The following ATRX variants were observed in gnomAD, a reference collection of about 807,000 sequenced individuals.
ATRX encodes the protein chromatin remodeler ATRX.
ATRX carries 12 observed loss-of-function variants against 172.6 expected under a neutral mutation model. The ratio of observed to expected loss-of-function variants is 0.07; its 90% confidence interval spans 0.04 to 0.11. The LOEUF is 0.11. Among genes scored for constraint, ATRX ranks in the 10% least tolerant of loss-of-function variants. ATRX has a pLI of 1.00. For missense variants in ATRX, 1,368 were observed against 1,767.4 expected, an observed-to-expected ratio of 0.77 and a Z score of 4.05; for synonymous variants, 674 against 594.7, an observed-to-expected ratio of 1.13 and a Z score of -1.94.
chrX:77,665,883 G>A (rs1186117809), intron 10 of ATRX, among the ~76,000 whole-genome samples: 1 of 111,885 alleles, frequency 8.9e-6, no homozygotes, highest in Non-Finnish European at 1.9e-5. Flanking sequence ...AAAACTTGTA[G>A]CTGAGATGAT....
chrX:77,762,026 G>A (rs782004993), intron 1 of ATRX, among the ~76,000 whole-genome samples: 3 of 111,224 alleles, frequency 2.7e-5, no homozygotes, highest in Non-Finnish European at 5.6e-5. Flanking sequence ...GACTTGGCCA[G>A]GCGCGGTGGC....
At chrX:77,673,904 A>G (rs1231510865) in intron 10 of ATRX, 3 of 110,991 alleles carry the variant, frequency 2.7e-5, no homozygotes, top group Non-Finnish European at 5.7e-5. Flanking sequence ...GTCAACTCTC[A>G]TGATATAAAA....
intron 1 of ATRX, among the ~76,000 whole-genome samples, chrX:77,782,644 T>C (rs1237400357): frequency 1.8e-5 from 2 of 111,291 alleles, no homozygotes; most frequent in Non-Finnish European, 3.8e-5. Context: ...TCCCAGCTAC[T>C]TGGGAGGCTG....
intron 34 of ATRX, 86 bp from the exon 35 acceptor site, chrX:77,508,715 G>C: frequency 9.7e-7 from 1 of 1,029,019 alleles, no homozygotes; most frequent in East Asian, 3.0e-5. Flanking sequence ...AATTTGTTAA[G>C]GGGGTACCAT....
At chrX:77,685,341 G>GA (rs2148643724) in intron 7 of ATRX, among the ~76,000 whole-genome samples, 1 of 111,914 alleles carries the variant, frequency 8.9e-6, no homozygotes, top group African/African-American at 3.2e-5. Context: ...AATTCTATAG[G>GA]AAAAAATCAA....
chrX:77,641,495 C>T lies in ATRX; in HGVS notation c.4558-5439G>A, dbSNP rs978725964. ...ACTCAGGAGGCTGAGGCAGGAGAAT[C>T]GCTTGAACCCAGGAGGCGGAGGTTC... On this transcript the variant is annotated intron_variant, in intron 15 of 34. Transcript: ENST00000373344. Among the ~76,000 whole-genome samples, 8 of 107,671 alleles carry T rather than the reference C, an allele frequency of 7.4e-5. No homozygotes were observed. The East Asian group carries it at 1.5e-3, about 20-fold the overall frequency. 93.5% of individuals were successfully genotyped at this position (107,671 alleles called of 115,157 possible).
intron 15 of ATRX, among the ~76,000 whole-genome samples, chrX:77,640,369 A>G (rs1402958455): frequency 9.0e-6 from 1 of 111,216 alleles, no homozygotes; most frequent in Non-Finnish European, 1.9e-5. Flanking sequence ...CAGCAATGAA[A>G]TAGGAGAAAA....
In ATRX at chrX:77,659,095, T is replaced by A. The variant is rs782234838; in HGVS notation, c.4121-2442A>T. ...GTTATTGTTTAATGGTTAAAGAGATTCCATTTGGAATGACGACACGTTTTA... is the reference window on the plus strand; with the variant it reads ...GTTATTGTTTAATGGTTAAAGAGATACCATTTGGAATGACGACACGTTTTA... On this transcript the variant is annotated intron_variant, in intron 12 of 34. Coordinates refer to ENST00000373344, the MANE Select transcript of ATRX (RefSeq NM_000489.6). Among the ~76,000 whole-genome samples, 5 of 111,294 alleles carry A rather than the reference T, an allele frequency of 4.5e-5. No individual in the cohort carries two copies. The South Asian group carries it at 1.9e-3, about 42-fold the overall frequency.
chrX:77,612,920 G>A (rs1404755520), intron 22 of ATRX, among the ~76,000 whole-genome samples: 1 of 111,582 alleles, frequency 9.0e-6, no homozygotes, highest in Non-Finnish European at 1.9e-5. Flanking sequence ...AGTAAATGTC[G>A]GAATTTCCCC....
At position 77,682,941 on chromosome X, in the gene ATRX, C is replaced by A. The variant is rs2148600971; in HGVS notation, c.2315G>T (p.Gly772Val). The part of the protein sequence containing the change: ...KTLYDLKTQA[G>V]KDDKGKRKRK... ...TTTCCTTTTTCCTTTATCATCTTTC[C>A]CCGCCTGAGTCTTTAAATCATACAA... The change falls in exon 9 of 35, where the codon GGG becomes GTG. Residue 772 changes from glycine (G) to valine (V), a missense_variant. Around this residue, in one of 17 missense-constraint regions of ATRX, gnomAD observed 843 missense variants for 643.1 expected, o/e 1.31. Transcript: ENST00000373344. 1.7e-6 allele frequency: 2 copies of A among 1,210,260 alleles called. No individual in the cohort carries two copies. Among genetic ancestry groups the A allele is most frequent in the Non-Finnish European group, 2.2e-6 (2 of 894,676 alleles).
intron 25 of ATRX, among the ~76,000 whole-genome samples, chrX:77,597,593 C>T (rs1350067900): frequency 1.8e-5 from 2 of 110,638 alleles, no homozygotes; most frequent in Non-Finnish European, 3.8e-5. Context: ...GAACTTAATT[C>T]AACAGCAAAA....
intron 30 of ATRX, among the ~76,000 whole-genome samples, chrX:77,529,380 G>T (rs2063496319): frequency 9.0e-6 from 1 of 111,351 alleles, no homozygotes. Flanking sequence ...CGAAATGAAA[G>T]AAAAAATGTT....
chrX:77,635,716 C>T (rs2068315969), intron 16 of ATRX, among the ~76,000 whole-genome samples, 199 bp downstream of exon 16: 2 of 111,943 alleles, frequency 1.8e-5, no homozygotes, highest in Admixed American at 9.4e-5. Context: ...CTTTTTATAA[C>T]GCTCATTGTG....
chrX:77,559,592 G>A (rs1488336471), intron 28 of ATRX, among the ~76,000 whole-genome samples: 6 of 107,089 alleles, frequency 5.6e-5, no homozygotes, highest in Non-Finnish European at 1.2e-4. Context: ...CTGAGCAGCT[G>A]GGATTACAGG....
intron 28 of ATRX, among the ~76,000 whole-genome samples, chrX:77,565,490 T>C (rs1219554190): frequency 8.9e-6 from 1 of 111,842 alleles, no homozygotes; most frequent in African/African-American, 3.3e-5. Flanking sequence ...CATAAGCAAT[T>C]ATTAACATAC....
At chrX:77,738,646 C>G (rs782708687) in intron 1 of ATRX, among the ~76,000 whole-genome samples, 1 of 103,912 alleles carries the variant, frequency 9.6e-6, no homozygotes. Flanking sequence ...TCACTGCAAC[C>G]TCCGCCTCCC....
chrX:77,753,967 G>T (rs1404547426), intron 1 of ATRX, among the ~76,000 whole-genome samples: 2 of 111,634 alleles, frequency 1.8e-5, no homozygotes, highest in African/African-American at 6.5e-5. Flanking sequence ...TATTGTGTGG[G>T]AATCTAAGTC....
intron 22 of ATRX, among the ~76,000 whole-genome samples, chrX:77,610,091 T>C (rs1486483009): frequency 8.9e-6 from 1 of 111,933 alleles, no homozygotes; most frequent in Non-Finnish European, 1.9e-5. Flanking sequence ...AAATATCTCA[T>C]GTACCCCATA....
At chrX:77,664,575 T>A (rs1397383271) in intron 11 of ATRX, 70 bp downstream of exon 11, 27 of 1,168,529 alleles carry the variant, frequency 2.3e-5, no homozygotes, top group Non-Finnish European at 3.0e-5. Context: ...CTTGGTCAGA[T>A]ATTCTTCAAA....
Sources: allele counts gnomAD v4.1 joint callset (sites outside exome capture counted in the v4.1 genomes callset), GRCh38; gene constraint gnomAD v4.1.1; regional missense constraint gnomAD v4.1.1; transcripts MANE v1.5; gene names NCBI Gene and HGNC (gene_info 2026-07-23, HGNC 2026-07-21).